The following POT1 variants were observed in gnomAD, a reference collection of about 807,000 sequenced individuals.
POT1 encodes protection of telomeres protein 1.
A neutral mutation model predicts 78.5 loss-of-function variants in POT1; 47 were observed. That is an observed-to-expected ratio of 0.60 (90% CI 0.47 to 0.76). The LOEUF (loss-of-function observed/expected upper bound fraction) is 0.76, where lower values mean the gene tolerates loss of function less well. POT1 is among the 30% of genes least tolerant of loss of function. The pLI is 0.00. For synonymous variants in POT1, 259 were observed against 260.7 expected (o/e 0.99, Z 0.06); for missense variants, 646 against 749.9 (o/e 0.86, Z 1.62).
intron 6 of POT1, among the ~76,000 whole-genome samples, chr7:124,888,313 C>A (rs571449943): frequency 6.6e-6 from 1 of 152,022 alleles, no homozygotes; most frequent in African/African-American, 2.4e-5. Flanking sequence ...CTATTCAATT[C>A]CATTAATCAG....
Position 124,859,024 on chromosome 7 carries a change from C to A in POT1, c.635G>T (p.Arg212Leu), listed in dbSNP as rs746903370. 1 of 1,610,268 alleles carries A rather than the reference C, an allele frequency of 6.2e-7. No homozygotes were observed. Residue 212 changes from arginine (R) to leucine (L), a missense_variant, in exon 9 of 19, where the codon CGG (arginine) becomes CTG (leucine). Physicochemically the swap from Arg to Leu is moderately radical, Grantham distance 102 (BLOSUM62 -2). Coordinates refer to ENST00000357628, the MANE Select transcript of POT1 (RefSeq NM_015450.3). ...VLEGDLSHIH[R>L]LQNLTIDILV... ...AATGTCTATTGTCAGATTTTGTAGC[C>A]GATGGATGTGACTTAAATCACCTTC...
chr7:124,886,512 T>G (rs1420850599), intron 6 of POT1, among the ~76,000 whole-genome samples: 6 of 152,148 alleles, frequency 3.9e-5, no homozygotes, highest in Non-Finnish European at 1.5e-5. Context: ...AAAACTTTAT[T>G]GTCTGGCTAG....
chr7:124,868,435 T>C (rs573469535), intron 7 of POT1, among the ~76,000 whole-genome samples: 3 of 152,200 alleles, frequency 2.0e-5, no homozygotes, highest in African/African-American at 4.8e-5. Flanking sequence ...GCAAAATCGA[T>C]AGAGCTAAAG....
intron 9 of POT1, 189 bp downstream of exon 9, chr7:124,858,768 C>T: frequency 5.0e-6 from 2 of 397,742 alleles, no homozygotes; most frequent in African/African-American, 2.1e-5. Flanking sequence ...AAAAATTGCT[C>T]TAACCCATTA....
intron 15 of POT1, among the ~76,000 whole-genome samples, chr7:124,832,011 A>AT (rs10668189): frequency 4.0e-5 from 6 of 150,336 alleles, no homozygotes; most frequent in South Asian, 2.1e-4. Flanking sequence ...AAAAAAAAAA[A>AT]AAAAAAAAAA....
At chr7:124,842,445 T>C (rs2116466106) in intron 13 of POT1, among the ~76,000 whole-genome samples, 1 of 152,086 alleles carries the variant, frequency 6.6e-6, no homozygotes, top group African/African-American at 2.4e-5. Flanking sequence ...TATCACTTAA[T>C]TAGATATTTC....
At chr7:124,862,289 A>G (rs911415863) in intron 8 of POT1, among the ~76,000 whole-genome samples, 7 of 152,188 alleles carry the variant, frequency 4.6e-5, no homozygotes, top group African/African-American at 1.7e-4. Flanking sequence ...AACACAGTCA[A>G]AAGATAGAAT....
intron 14 of POT1, among the ~76,000 whole-genome samples, chr7:124,836,593 A>G (rs1017296207): frequency 5.3e-5 from 8 of 152,140 alleles, no homozygotes; most frequent in Admixed American, 2.0e-4. Flanking sequence ...CCCCAAAAAC[A>G]CTATTTCAAA....
intron 6 of POT1, among the ~76,000 whole-genome samples, chr7:124,880,327 G>A (rs1490228583): frequency 6.6e-6 from 1 of 152,008 alleles, no homozygotes; most frequent in Non-Finnish European, 1.5e-5. Context: ...CACTTTAAAT[G>A]CTCCAAATTG....
chr7:124,833,581 C>T (rs1442307134), intron 15 of POT1, among the ~76,000 whole-genome samples: 4 of 152,092 alleles, frequency 2.6e-5, no homozygotes, highest in African/African-American at 9.7e-5. Flanking sequence ...TTTTATATTC[C>T]AATTTTCAGT....
chr7:124,894,769 A>G (rs1262598571), intron 5 of POT1, among the ~76,000 whole-genome samples: 2 of 151,626 alleles, frequency 1.3e-5, no homozygotes, highest in African/African-American at 2.4e-5. Flanking sequence ...GTAGAGGGAC[A>G]TCCAAATCAG....
chr7:124,840,785 G>T, intron 14 of POT1, 188 bp downstream of exon 14: 1 of 434,132 alleles, frequency 2.3e-6, no homozygotes, highest in Non-Finnish European at 4.1e-6. Context: ...ATGTAATTAA[G>T]ATAAATTTAT....
At chr7:124,878,562 G>T (rs541218549) in intron 6 of POT1, among the ~76,000 whole-genome samples, 6 of 152,058 alleles carry the variant, frequency 3.9e-5, no homozygotes, top group African/African-American at 1.4e-4. Flanking sequence ...ATGTATACAC[G>T]TATCTAAACA....
chr7:124,904,488 A>C (rs1429685499), intron 3 of POT1, among the ~76,000 whole-genome samples: 1 of 152,188 alleles, frequency 6.6e-6, no homozygotes, highest in Non-Finnish European at 1.5e-5. Context: ...TATTGATGGG[A>C]TGTATCTCAA....
intron 2 of POT1, among the ~76,000 whole-genome samples, chr7:124,923,872 T>C (rs573394638): frequency 6.6e-6 from 1 of 150,676 alleles, no homozygotes; most frequent in Non-Finnish European, 1.5e-5. Flanking sequence ...AGAGAAAGAA[T>C]AACATTTTCC....
rs2116460933 is a variant in POT1 at position 124,840,965 on chromosome 7, T to C, written c.1369+8A>G. On this transcript the variant is annotated splice_region_variant and intron_variant, in intron 14 of 18. Coordinates refer to ENST00000357628, the MANE Select transcript of POT1 (RefSeq NM_015450.3). The stretch of plus-strand genomic sequence containing the variant: ...TATTCTAACAAAACAGTGACTTAAA[T>C]ATCTTACCTTCTATCAAAAGTAGAC... The C allele has an allele frequency of 1.3e-6, 2 of 1,578,662 alleles. No individual in the cohort carries two copies. Among genetic ancestry groups the C allele is most frequent in the Non-Finnish European group, 1.7e-6 (2 of 1,150,638 alleles).
intron 3 of POT1, among the ~76,000 whole-genome samples, chr7:124,906,384 C>T (rs1424736723): frequency 6.6e-6 from 1 of 151,070 alleles, no homozygotes; most frequent in Non-Finnish European, 1.5e-5. Context: ...GAAACTATTG[C>T]AAGGACAGAA....
intron 9 of POT1, chr7:124,853,361 C>T: frequency 2.4e-6 from 1 of 425,172 alleles, no homozygotes. Flanking sequence ...TGCGTGTGTG[C>T]ACACACATAC....
In POT1 at chr7:124,922,369, T is replaced by C. The variant is rs534153101; in HGVS notation, c.-227+6446A>G. 4.6e-5 allele frequency among the ~76,000 whole-genome samples: 7 copies of C among 152,150 alleles called. No individual in the cohort carries two copies. In the South Asian group the frequency reaches 1.4e-3, roughly 32 times the overall value. ...GACTATACTTTTTCCTTCTTTTAAT[T>C]TCCTTAAAAGATGACTCATTGTTTA... is the stretch of plus-strand genomic sequence containing the variant. On this transcript the variant is annotated intron_variant, in intron 2 of 18. Coordinates refer to ENST00000357628, the MANE Select transcript of POT1 (RefSeq NM_015450.3).
Sources: gnomAD v4.1 joint callset for allele counts (sites outside exome capture counted in the v4.1 genomes callset) on GRCh38, gnomAD v4.1.1 for gene constraint, MANE v1.5 for transcripts, NCBI Gene and HGNC (gene_info 2026-07-23, HGNC 2026-07-21) for gene names.